Variants in HS1BP3 observed in about 807,000 individuals in gnomAD.
HS1BP3 encodes HCLS1-binding protein 3.
A neutral mutation model predicts 33.5 loss-of-function variants in HS1BP3; 32 were observed. That is an observed-to-expected ratio of 0.95 (90% confidence interval 0.72 to 1.28). The LOEUF (loss-of-function observed/expected upper bound fraction) is 1.28, where lower values mean the gene tolerates loss of function less well. Among genes scored for constraint, HS1BP3 ranks in the 50% most tolerant of loss-of-function variants. The pLI is 0.00. For missense variants in HS1BP3, 486 were observed against 502.3 expected, an observed-to-expected ratio of 0.97 and a Z score of 0.31; for synonymous variants, 187 against 209.2, an observed-to-expected ratio of 0.89 and a Z score of 0.92.
At chr2:20,577,298 G>A (rs968746109) in intron 5 of HS1BP3, among the ~76,000 whole-genome samples, 11 of 152,134 alleles carry the variant, frequency 7.2e-5, no homozygotes, top group Non-Finnish European at 2.9e-5. Context: ...GGACCCAGGA[G>A]GTTCAGTCCC....
intron 5 of HS1BP3, among the ~76,000 whole-genome samples, chr2:20,561,290 T>C (rs1692987504): frequency 6.6e-6 from 1 of 152,176 alleles, no homozygotes; most frequent in Non-Finnish European, 1.5e-5. Flanking sequence ...GCCCTGAGGG[T>C]AGGCACTGTG....
intron 5 of HS1BP3, among the ~76,000 whole-genome samples, chr2:20,572,683 C>T (rs1464111976): frequency 2.6e-5 from 4 of 152,192 alleles, no homozygotes; most frequent in Non-Finnish European, 2.9e-5. Context: ...CAATAAATGG[C>T]AGTGATTATT....
At chr2:20,597,019 C>A (rs564881869) in intron 3 of HS1BP3, among the ~76,000 whole-genome samples, 3 of 152,364 alleles carry the variant, frequency 2.0e-5, no homozygotes, top group Admixed American at 6.5e-5. Flanking sequence ...AAGGCCTGAG[C>A]TGGAGTCATC....
At chr2:20,575,260 C>A (rs1002202724) in intron 5 of HS1BP3, among the ~76,000 whole-genome samples, 7 of 152,212 alleles carry the variant, frequency 4.6e-5, no homozygotes, top group African/African-American at 1.7e-4. Context: ...GGGTGAGGAG[C>A]CTGGTGGGAC....
At chr2:20,641,964 C>T (rs910362173) in intron 2 of HS1BP3, among the ~76,000 whole-genome samples, 4 of 152,204 alleles carry the variant, frequency 2.6e-5, no homozygotes, top group Non-Finnish European at 5.9e-5. Flanking sequence ...GTGCCATCGC[C>T]GTGTCTGTAA....
At chr2:20,606,699 A>C in intron 2 of HS1BP3, 1 of 276,080 alleles carries the variant, frequency 3.6e-6, no homozygotes. Flanking sequence ...CCTCGCTAAG[A>C]TGTCAGACAA....
At chr2:20,609,213 G>A (rs1040800176) in intron 2 of HS1BP3, among the ~76,000 whole-genome samples, 1 of 152,216 alleles carries the variant, frequency 6.6e-6, no homozygotes, top group Non-Finnish European at 1.5e-5. Flanking sequence ...ATCCTGGCCT[G>A]CTGCTCTAAT....
intron 5 of HS1BP3, among the ~76,000 whole-genome samples, chr2:20,560,771 A>G (rs953014816): frequency 2.0e-5 from 3 of 152,066 alleles, no homozygotes; most frequent in Non-Finnish European, 4.4e-5. Context: ...CTTCATCCCT[A>G]TGGCCTCCGA....
At chr2:20,631,553 A>AT (rs377095058) in intron 4 of HS1BP3, among the ~76,000 whole-genome samples, 1,091 of 108,204 alleles carry the variant, frequency 0.01, 316 homozygotes, top group Non-Finnish European at 0.013. Flanking sequence ...AAAAAAAAAA[A>AT]GGGGCCAGCC....
chr2:20,570,417 G>A (rs1288439871), intron 5 of HS1BP3, among the ~76,000 whole-genome samples: 1 of 152,266 alleles, frequency 6.6e-6, no homozygotes, highest in Non-Finnish European at 1.5e-5. Flanking sequence ...TGCTTGCTGC[G>A]GCTGAGCCCT....
At chr2:20,581,668 C>T (rs1286493141) in intron 5 of HS1BP3, among the ~76,000 whole-genome samples, 2 of 152,218 alleles carry the variant, frequency 1.3e-5, no homozygotes, top group African/African-American at 4.8e-5. Flanking sequence ...TTTATTACCT[C>T]ACAGTTTCTG....
chr2:20,620,659 C>A (rs2149290079), intron 6 of HS1BP3, among the ~76,000 whole-genome samples: 1 of 152,334 alleles, frequency 6.6e-6, no homozygotes, highest in Middle Eastern at 3.4e-3. Context: ...CACTCCTCCT[C>A]CCTGGTCCTC....
chr2:20,579,411 C>T (rs561969938), intron 5 of HS1BP3, among the ~76,000 whole-genome samples: 1 of 152,358 alleles, frequency 6.6e-6, no homozygotes, highest in African/African-American at 2.4e-5. Context: ...AGATCATCTG[C>T]CATTTCAGGC....
At chr2:20,628,274 G>A (rs1359938289) in intron 4 of HS1BP3, among the ~76,000 whole-genome samples, 2 of 152,184 alleles carry the variant, frequency 1.3e-5, no homozygotes, top group African/African-American at 4.8e-5. Context: ...AGAAGCTCAT[G>A]GCAGAGCAGG....
chr2:20,556,963 C>T (rs974888939), downstream of HS1BP3, among the ~76,000 whole-genome samples: 1 of 152,220 alleles, frequency 6.6e-6, no homozygotes, highest in African/African-American at 2.4e-5. Context: ...TTCAGGGCAC[C>T]ACACTGCGCT....
At chr2:20,561,325 G>A (rs1280737058) in intron 5 of HS1BP3, among the ~76,000 whole-genome samples, 2 of 152,192 alleles carry the variant, frequency 1.3e-5, no homozygotes, top group Non-Finnish European at 2.9e-5. Flanking sequence ...GTCCCCAACA[G>A]CTGACTCAGG....
At chr2:20,577,517 G>C (rs1263636818) in intron 5 of HS1BP3, among the ~76,000 whole-genome samples, 1 of 152,200 alleles carries the variant, frequency 6.6e-6, no homozygotes, top group Non-Finnish European at 1.5e-5. Context: ...CATTTCCTGT[G>C]ACATGTTAGC....
At chr2:20,619,846 G>A (rs755558107) in intron 6 of HS1BP3, among the ~76,000 whole-genome samples, 6 of 152,204 alleles carry the variant, frequency 3.9e-5, no homozygotes, top group African/African-American at 9.7e-5. Flanking sequence ...AACCAGGGGC[G>A]CTGAGCCATG....
chr2:20,568,649 G>A (rs1327454382), intron 5 of HS1BP3, among the ~76,000 whole-genome samples: 1 of 152,184 alleles, frequency 6.6e-6, no homozygotes, highest in Non-Finnish European at 1.5e-5. Flanking sequence ...GCCTGTCTGT[G>A]GCAGCAGCTC....
Sources: gnomAD v4.1 joint callset for allele counts (sites outside exome capture counted in the v4.1 genomes callset) on GRCh38, gnomAD v4.1.1 for gene constraint, MANE v1.5 for transcripts, NCBI Gene and HGNC (gene_info 2026-07-23, HGNC 2026-07-21) for gene names.